Variants in ABCC12 observed in about 807,000 individuals in gnomAD.
ABCC12 encodes ATP binding cassette subfamily C member 12.
A neutral mutation model predicts 151.1 loss-of-function variants in ABCC12; 142 were observed. The observed-to-expected ratio is 0.94, with a 90% confidence interval of 0.82 to 1.08. The LOEUF is 1.08. Among genes scored for constraint, ABCC12 ranks in the 50% least tolerant of loss-of-function variants. The pLI, the probability that ABCC12 is intolerant of heterozygous loss-of-function variation, is 0.00. For missense variants in ABCC12, 1,638 were observed against 1,691.1 expected, an observed-to-expected ratio of 0.97 and a Z score of 0.55; for synonymous variants, 645 against 646.4, an observed-to-expected ratio of 1.00 and a Z score of 0.03.
rs574109167 is a variant in ABCC12 at position 48,111,288 on chromosome 16, G to A, written c.2281+148C>T. On this transcript the variant is annotated intron_variant, in intron 18 of 30. Coordinates refer to ENST00000311303, the MANE Select transcript of ABCC12 (RefSeq NM_001393797.1). ...TGGAGCCAAAATTTGGACTTAGGCA[G>A]TGGAACCCCAAGGCACACAGTACCC... The A allele has an allele frequency of 5.6e-4, 523 of 926,048 alleles. 1 individual carries two copies. The highest frequency in any genetic ancestry group is 7.0e-4 in the Non-Finnish European group (433 of 619,732). The allele number at this position is 926,048 out of a possible 1,614,324, so 57.4% of individuals were successfully genotyped here. A position where few individuals can be genotyped will look rare whatever the true frequency, so the allele number is the denominator to read the frequency against.
At chr16:48,092,764 G>A (rs73540857) in intron 24 of ABCC12, among the ~76,000 whole-genome samples, 3,776 of 152,286 alleles carry the variant, frequency 0.025, 164 homozygotes, top group African/African-American at 0.087. Context: ...TGATGTGGGA[G>A]AGGGGCCGGG....
In ABCC12 at chr16:48,146,345, G is replaced by C. The variant is rs1365702712; in HGVS notation, c.80C>G (p.Pro27Arg). 3.1e-6 allele frequency: 5 copies of C among 1,614,014 alleles called. No individual in the cohort carries two copies. In the Admixed American group the frequency reaches 8.3e-5, roughly 27 times the overall value. Reference sequence around the variant, plus strand: ...CACTGGGATCATGGTCTTCAGGCTGGGGTCATATCTTTCTGCAAAGGATCT... The same window carrying C: ...CACTGGGATCATGGTCTTCAGGCTGCGGTCATATCTTTCTGCAAAGGATCT... Reference protein sequence around the residue: ...RRRSFAERYDPSLKTMIPVRP... With the variant: ...RRRSFAERYDRSLKTMIPVRP... The change falls in exon 3 of 31, where the codon CCC becomes CGC. Residue 27 changes from proline to arginine, a missense_variant. Physicochemically the swap from Pro to Arg is moderately radical, Grantham distance 103. Transcript: ENST00000311303.
rs1036600881 is a variant in ABCC12, at chr16:48,082,873, A to G, written c.*842T>C. The G allele has an allele frequency of 6.6e-6, 1 of 152,208 alleles. No individual in the cohort carries two copies. The highest frequency in any genetic ancestry group is 1.5e-5 in the Non-Finnish European group (1 of 68,036). The allele number at this position is 152,208 out of a possible 1,614,324, so 9.4% of individuals were successfully genotyped here. A position where few individuals can be genotyped will look rare whatever the true frequency, so the allele number is the denominator to read the frequency against. ...GCGCTCACTCCTGGGGCTGCTGGGA[A>G]TACATCTTTACTGCTTCCATCAGAA... is the stretch of plus-strand genomic sequence containing the variant. On this transcript the variant is annotated 3_prime_UTR_variant, in exon 31 of 31. Transcript: ENST00000311303.
At chr16:48,130,404 T>C (rs1964379738) in intron 10 of ABCC12, among the ~76,000 whole-genome samples, 1 of 152,192 alleles carries the variant, frequency 6.6e-6, no homozygotes, top group Non-Finnish European at 1.5e-5. Context: ...TGCATAAATG[T>C]AGGGACCCCA....
chr16:48,097,803 C>G (rs575556607), intron 23 of ABCC12, among the ~76,000 whole-genome samples: 1 of 152,260 alleles, frequency 6.6e-6, no homozygotes, highest in South Asian at 2.1e-4. Flanking sequence ...ACAGGAAGAC[C>G]CAGCAACTCC....
intron 1 of ABCC12, among the ~76,000 whole-genome samples, chr16:48,154,406 C>T (rs1965156292): frequency 6.6e-6 from 1 of 152,088 alleles, no homozygotes; most frequent in Non-Finnish European, 1.5e-5. Flanking sequence ...TGGCTTTCGT[C>T]AAATATCAAG....
At chr16:48,084,197 C>T (rs1455568122) in intron 29 of ABCC12, 124 bp from the exon 30 acceptor site, 2 of 979,754 alleles carry the variant, frequency 2.0e-6, no homozygotes, top group African/African-American at 1.7e-5. Context: ...AAGTAATTAG[C>T]TAAACATCCA....
chr16:48,085,741 T>C (rs373460707), intron 28 of ABCC12, 35 bp from the exon 29 acceptor site: 2 of 1,545,970 alleles, frequency 1.3e-6, no homozygotes, highest in African/African-American at 2.7e-5. Flanking sequence ...TTTGTGCTGA[T>C]GATCTATAAA....
chr16:48,112,779 G>T (rs560683300), intron 15 of ABCC12, among the ~76,000 whole-genome samples: 12 of 152,138 alleles, frequency 7.9e-5, no homozygotes, highest in African/African-American at 2.9e-4. Flanking sequence ...CCACGGTGTG[G>T]TCTCCAGGCA....
At chr16:48,127,476 T>C (rs1040332402) in intron 11 of ABCC12, among the ~76,000 whole-genome samples, 1 of 152,208 alleles carries the variant, frequency 6.6e-6, no homozygotes, top group Non-Finnish European at 1.5e-5. Context: ...GCTGGGTTGC[T>C]TGTTATCTCA....
intron 2 of ABCC12, among the ~76,000 whole-genome samples, chr16:48,151,900 G>T (rs1457514035): frequency 6.6e-6 from 1 of 152,210 alleles, no homozygotes; most frequent in Non-Finnish European, 1.5e-5. Flanking sequence ...AATACGGTCT[G>T]GGAGGAGGAC....
rs1429864913 is a variant in ABCC12, at chr16:48,104,137, C to G, written c.2900+5G>C. ...TTTTCTCGTGTAAATAGCACATGGG[C>G]CTACCGTAACAGAATGAAGAAGCCT... On this transcript the variant is annotated splice_donor_5th_base_variant and intron_variant, in intron 22 of 30. Coordinates refer to ENST00000311303, the MANE Select transcript of ABCC12 (RefSeq NM_001393797.1). The G allele has an allele frequency of 2.5e-6, 4 of 1,613,292 alleles. No homozygotes were observed. Among genetic ancestry groups the G allele is most frequent in the Non-Finnish European group, 2.5e-6 (3 of 1,179,722 alleles).
chr16:48,153,828 T>A lies in ABCC12; in HGVS notation c.-263A>T, dbSNP rs1489031789. ...CCCAGGGCATGTGAAGTTTTGATGA[T>A]CTGAGGCGGCTTGGAAGCATTGCAG... On this transcript the variant is annotated 5_prime_UTR_variant, in exon 2 of 31. Transcript: ENST00000311303. 1 of 152,214 alleles carries A rather than the reference T, an allele frequency of 6.6e-6. No homozygotes were observed. Among genetic ancestry groups the A allele is most frequent in the Non-Finnish European group, 1.5e-5 (1 of 68,038 alleles). The allele number at this position is 152,214 out of a possible 1,614,324, so 9.4% of individuals were successfully genotyped here.
At chr16:48,085,758 C>G in intron 28 of ABCC12, 52 bp from the exon 29 acceptor site, 1 of 1,457,296 alleles carries the variant, frequency 6.9e-7, no homozygotes, top group African/African-American at 1.4e-5. Flanking sequence ...TAAAATTGTC[C>G]TATGCTGTCT....
chr16:48,087,599 C>T (rs1962673519), intron 27 of ABCC12: 1 of 220,674 alleles, frequency 4.5e-6, no homozygotes, highest in Non-Finnish European at 8.9e-6. Context: ...CATTGTTAAA[C>T]CTGATGGGAT....
At chr16:48,102,780 G>A (rs912913882) in intron 22 of ABCC12, among the ~76,000 whole-genome samples, 3 of 152,078 alleles carry the variant, frequency 2.0e-5, no homozygotes, top group Admixed American at 6.6e-5. Context: ...TCCCCAAACC[G>A]CTTCTCCTCC....
intron 23 of ABCC12, among the ~76,000 whole-genome samples, chr16:48,098,090 G>GACACACACACACAC (rs66949388): frequency 6.6e-5 from 8 of 121,972 alleles, no homozygotes; most frequent in African/African-American, 2.2e-4. Context: ...TGCCCCACCT[G>GACACACACACACAC]ACACACACAC....
At chr16:48,146,727 C>T (rs977401241) in intron 2 of ABCC12, 13 of 276,372 alleles carry the variant, frequency 4.7e-5, no homozygotes, top group Non-Finnish European at 8.2e-5. Context: ...AGCAGAAAAC[C>T]CTATGGTGTG....
At chr16:48,144,871 T>C (rs1964945866) in intron 3 of ABCC12, among the ~76,000 whole-genome samples, 1 of 152,204 alleles carries the variant, frequency 6.6e-6, no homozygotes, top group East Asian at 1.9e-4. Context: ...TTACTTCATA[T>C]ATTCCTCACA....
Sources: gnomAD v4.1 joint callset for allele counts (sites outside exome capture counted in the v4.1 genomes callset) on GRCh38, gnomAD v4.1.1 for gene constraint, MANE v1.5 for transcripts, NCBI Gene and HGNC (gene_info 2026-07-23, HGNC 2026-07-21) for gene names.